The following CHST8 variants were observed in gnomAD, a reference collection of about 807,000 sequenced individuals.
The protein encoded by CHST8 is GALNAC-4-ST1.
Under a neutral mutation model 15.0 loss-of-function variants are expected in CHST8, and 10 were observed. The ratio of observed to expected loss-of-function variants is 0.67; its 90% CI spans 0.41 to 1.13. The LOEUF (loss-of-function observed/expected upper bound fraction) is 1.13. CHST8 is among the 50% of genes most tolerant of loss of function. The pLI, the probability that CHST8 is intolerant of heterozygous loss-of-function variation, is 0.00. For missense variants in CHST8, 634 were observed against 608.2 expected (o/e 1.04, Z -0.45); for synonymous variants, 259 against 256.6 (o/e 1.01, Z -0.09).
chr19:33,772,969 A>G lies in CHST8; in HGVS notation c.1181A>G (p.Gln394Arg), dbSNP rs1975041140. Residue 394 changes from glutamine to arginine, a missense_variant, in exon 5 of 5, where the codon CAA becomes CGA. Transcript: ENST00000650847. ...AGGATCGCCCACCAGTACTTCGCCC[A>G]ACTCTCGGCCCTGCAAAGGCAGCGC... ...TARIAHQYFAQLSALQRQRTY... is the reference protein window; with the variant it reads ...TARIAHQYFARLSALQRQRTY... 6.2e-7 allele frequency: 1 copy of G among 1,613,642 alleles called. No individual in the cohort carries two copies.
At chr19:33,645,598 A>G (rs1011866805) in intron 1 of CHST8, among the ~76,000 whole-genome samples, 3 of 152,122 alleles carry the variant, frequency 2.0e-5, no homozygotes, top group Non-Finnish European at 2.9e-5. Flanking sequence ...GGTGGGAAAG[A>G]GTGGGTGGAA....
chr19:33,729,957 A>G (rs1042512331), intron 3 of CHST8, among the ~76,000 whole-genome samples: 8 of 152,224 alleles, frequency 5.3e-5, no homozygotes, highest in Non-Finnish European at 7.3e-5. Flanking sequence ...AACATCGTAT[A>G]TGATCCTTAA....
rs147616341 is a variant in CHST8, at chr19:33,773,245, C to G, written c.*182C>G. The G allele has an allele frequency of 3.0e-6, 2 of 661,756 alleles. No homozygotes were observed. Among genetic ancestry groups the G allele is most frequent in the African/African-American group, 1.8e-5 (1 of 54,978 alleles). The allele number at this position is 661,756 out of a possible 1,614,324, so 41.0% of individuals were successfully genotyped here. ...AGGCGCCCAGCCTTGGATGGGGACC[C>G]CAGCCCCTGGCCTGTACCTGTTTCC... On this transcript the variant is annotated 3_prime_UTR_variant, in exon 5 of 5. Coordinates refer to ENST00000650847, the MANE Select transcript of CHST8 (RefSeq NM_001127895.2).
intron 2 of CHST8, among the ~76,000 whole-genome samples, chr19:33,688,873 TGACTGGGGGCC>T (rs1973038190): frequency 6.6e-6 from 1 of 152,136 alleles, no homozygotes; most frequent in Non-Finnish European, 1.5e-5. Context: ...TGCTGGTTAC[TGACTGGGGGCC>T]TGGAGGTTCC....
chr19:33,670,025 G>A (rs534546578), intron 2 of CHST8, among the ~76,000 whole-genome samples: 13 of 152,258 alleles, frequency 8.5e-5, no homozygotes, highest in South Asian at 2.1e-4. Flanking sequence ...GATTGTGTGC[G>A]TTTCTGTGTG....
intron 3 of CHST8, among the ~76,000 whole-genome samples, chr19:33,692,150 A>ATT (rs11455059): frequency 5.3e-5 from 8 of 151,108 alleles, no homozygotes; most frequent in African/African-American, 1.2e-4. Context: ...CATTTTAAAC[A>ATT]TTTTTTTTTT....
At chr19:33,649,300 A>G (rs1972401591) in intron 1 of CHST8, among the ~76,000 whole-genome samples, 1 of 152,046 alleles carries the variant, frequency 6.6e-6, no homozygotes, top group Non-Finnish European at 1.5e-5. Flanking sequence ...GATGTATCTC[A>G]TTGGGGATGC....
intron 2 of CHST8, among the ~76,000 whole-genome samples, chr19:33,686,285 G>T (rs1972978771): frequency 6.6e-6 from 1 of 152,200 alleles, no homozygotes; most frequent in Non-Finnish European, 1.5e-5. Context: ...GGATTTGGGG[G>T]CATGGATCTG....
At chr19:33,690,067 A>C (rs8108843) in intron 3 of CHST8, among the ~76,000 whole-genome samples, 29,942 of 151,896 alleles carry the variant, frequency 0.2, 4,051 homozygotes, top group East Asian at 0.52. Flanking sequence ...CCCCATCCCC[A>C]GAGATATGGA....
chr19:33,704,155 T>C (rs1042163264), intron 3 of CHST8, among the ~76,000 whole-genome samples: 9 of 152,310 alleles, frequency 5.9e-5, no homozygotes, highest in African/African-American at 2.2e-4. Context: ...GGTCTTGGTT[T>C]TCCACCAGGG....
At chr19:33,706,854 G>A (rs1390584928) in intron 3 of CHST8, among the ~76,000 whole-genome samples, 8 of 152,300 alleles carry the variant, frequency 5.3e-5, no homozygotes, top group South Asian at 4.1e-4. Flanking sequence ...TGCAGGCCTC[G>A]TCCCTTCACT....
intron 3 of CHST8, among the ~76,000 whole-genome samples, chr19:33,694,213 TATA>T (rs1356678474): frequency 1.2e-5 from 1 of 83,200 alleles, no homozygotes; most frequent in Non-Finnish European, 2.3e-5. Context: ...TATATATATA[TATA>T]TATAATGTTA....
At chr19:33,736,764 G>A (rs1467408611) in intron 3 of CHST8, among the ~76,000 whole-genome samples, 2 of 152,180 alleles carry the variant, frequency 1.3e-5, no homozygotes, top group Non-Finnish European at 2.9e-5. Context: ...GACGTTGGGA[G>A]TCTGCGGCCA....
At chr19:33,680,275 G>C (rs919057839) in intron 2 of CHST8, among the ~76,000 whole-genome samples, 7 of 152,184 alleles carry the variant, frequency 4.6e-5, no homozygotes, top group Non-Finnish European at 8.8e-5. Context: ...ATAAATACCT[G>C]TTCCTTTTTC....
chr19:33,750,697 T>A lies in CHST8; in HGVS notation c.131-20716T>A, dbSNP rs145886804. Among the ~76,000 whole-genome samples the A allele has an allele frequency of 4.6e-5, 7 of 152,288 alleles. No homozygotes were observed. The East Asian group carries it at 1.4e-3, about 29-fold the overall frequency. The stretch of plus-strand genomic sequence containing the variant: ...CAAAATAGAGCATTCTTTTTCGTTT[T>A]CCAGAAGTGTGATCAGCAAAGCCTC... On this transcript the variant is annotated intron_variant, in intron 3 of 4. Transcript: ENST00000650847.
intron 3 of CHST8, among the ~76,000 whole-genome samples, chr19:33,765,602 G>C (rs1974823681): frequency 6.6e-6 from 1 of 150,426 alleles, no homozygotes; most frequent in Non-Finnish European, 1.5e-5. Flanking sequence ...TTACTCTGTT[G>C]CCAGGTTAGA....
intron 3 of CHST8, among the ~76,000 whole-genome samples, chr19:33,692,298 T>A (rs777184747): frequency 2.6e-5 from 4 of 152,240 alleles, no homozygotes; most frequent in Non-Finnish European, 5.9e-5. Flanking sequence ...TGCCAGGCCC[T>A]GAGGCCAGAG....
chr19:33,748,554 G>A (rs1030760449), intron 3 of CHST8, among the ~76,000 whole-genome samples: 4 of 152,208 alleles, frequency 2.6e-5, no homozygotes, highest in Non-Finnish European at 5.9e-5. Flanking sequence ...GAGATGAAAG[G>A]TCTGGCCCAG....
intron 3 of CHST8, among the ~76,000 whole-genome samples, chr19:33,710,833 G>A (rs1218661898): frequency 6.6e-6 from 1 of 151,174 alleles, no homozygotes; most frequent in African/African-American, 2.4e-5. Flanking sequence ...TTGAATAAAC[G>A]CTTCTTGATA....
Sources: gnomAD v4.1 joint callset for allele counts (sites outside exome capture counted in the v4.1 genomes callset) on GRCh38, gnomAD v4.1.1 for gene constraint, MANE v1.5 for transcripts, NCBI Gene and HGNC (gene_info 2026-07-23, HGNC 2026-07-21) for gene names.